The following PDE7B variants were observed in gnomAD, a reference collection of about 807,000 sequenced individuals.
PDE7B encodes 3',5'-cyclic-AMP phosphodiesterase 7B.
Under a neutral mutation model 56.2 loss-of-function variants are expected in PDE7B, and 29 were observed. That is an observed-to-expected ratio of 0.52 (90% CI 0.38 to 0.70). PDE7B has a LOEUF of 0.70. Ranked by LOEUF, PDE7B falls within the 30% of genes least tolerant of loss-of-function variation. PDE7B has a pLI of 0.00. For missense variants in PDE7B, 490 were observed against 565.0 expected (o/e 0.87, Z 1.35); for synonymous variants, 197 against 196.9 (o/e 1.00, Z 0.00).
intron 2 of PDE7B, among the ~76,000 whole-genome samples, chr6:135,978,862 C>G (rs892841090): frequency 1.3e-5 from 2 of 151,840 alleles, no homozygotes; most frequent in African/African-American, 4.9e-5. Context: ...GATTGAATAC[C>G]CTTTATTTCC....
At chr6:136,006,197 G>T (rs1775778907) in intron 2 of PDE7B, among the ~76,000 whole-genome samples, 1 of 116,468 alleles carries the variant, frequency 8.6e-6, no homozygotes, top group Non-Finnish European at 1.7e-5. Flanking sequence ...ACACTCTGGG[G>T]CCTGTTGTGG....
intron 1 of PDE7B, among the ~76,000 whole-genome samples, chr6:135,930,231 A>G (rs1462645656): frequency 6.6e-6 from 1 of 152,152 alleles, no homozygotes; most frequent in African/African-American, 2.4e-5. Flanking sequence ...TTATAAAGCC[A>G]TCAGATCTCA....
intron 1 of PDE7B, among the ~76,000 whole-genome samples, chr6:135,888,758 G>A (rs1384890209): frequency 6.6e-6 from 1 of 151,946 alleles, no homozygotes; most frequent in Non-Finnish European, 1.5e-5. Flanking sequence ...AACAACTAAT[G>A]TCAACAGTAG....
At chr6:136,145,130 T>C (rs999637946) in intron 3 of PDE7B, among the ~76,000 whole-genome samples, 1 of 152,144 alleles carries the variant, frequency 6.6e-6, no homozygotes, top group Non-Finnish European at 1.5e-5. Flanking sequence ...AGCTCTATTA[T>C]TTCTTCTACA....
chr6:135,957,305 TA>T (rs1217115994), intron 2 of PDE7B, among the ~76,000 whole-genome samples: 4 of 151,954 alleles, frequency 2.6e-5, no homozygotes, highest in African/African-American at 9.7e-5. Context: ...ACAAGAAATA[TA>T]AAAAAACTGA....
intron 2 of PDE7B, among the ~76,000 whole-genome samples, chr6:136,007,030 A>G (rs185194525): frequency 6.6e-6 from 1 of 152,262 alleles, no homozygotes; most frequent in East Asian, 1.9e-4. Flanking sequence ...ATTCAGTGTA[A>G]TATTGGCTGA....
intron 2 of PDE7B, among the ~76,000 whole-genome samples, chr6:136,054,296 A>G (rs1776688883): frequency 6.6e-6 from 1 of 152,148 alleles, no homozygotes; most frequent in African/African-American, 2.4e-5. Flanking sequence ...TCCCAGCACC[A>G]TTTATTAAAT....
intron 2 of PDE7B, among the ~76,000 whole-genome samples, chr6:136,010,244 T>A (rs1775868300): frequency 6.6e-6 from 1 of 152,168 alleles, no homozygotes; most frequent in African/African-American, 2.4e-5. Flanking sequence ...TTTATTGTAT[T>A]CTATTCTTAT....
At chr6:136,139,239 A>T (rs1484740872) in intron 3 of PDE7B, among the ~76,000 whole-genome samples, 2 of 152,080 alleles carry the variant, frequency 1.3e-5, no homozygotes, top group East Asian at 1.9e-4. Context: ...TTGTCCTTGC[A>T]ATAGTTTGCT....
At chr6:136,020,048 A>T (rs1010113896) in intron 2 of PDE7B, among the ~76,000 whole-genome samples, 1 of 152,194 alleles carries the variant, frequency 6.6e-6, no homozygotes, top group Admixed American at 6.5e-5. Context: ...CTGTTTTTTC[A>T]CCCAATCAGA....
At chr6:135,978,290 A>G (rs1401161189) in intron 2 of PDE7B, among the ~76,000 whole-genome samples, 1 of 152,176 alleles carries the variant, frequency 6.6e-6, no homozygotes, top group Non-Finnish European at 1.5e-5. Context: ...AACATGATAC[A>G]AAAGATTTTA....
At chr6:136,191,523 C>A in intron 12 of PDE7B, 91 bp from the exon 13 acceptor site, 1 of 1,066,844 alleles carries the variant, frequency 9.4e-7, no homozygotes, top group Non-Finnish European at 1.4e-6. Flanking sequence ...AAAAATTAGC[C>A]GGGCGTGGTG....
chr6:136,167,330 C>T (rs971381685), intron 8 of PDE7B, among the ~76,000 whole-genome samples: 7 of 152,130 alleles, frequency 4.6e-5, no homozygotes, highest in Admixed American at 1.3e-4. Context: ...CCACCCAAAT[C>T]TCATCTTAAA....
At chr6:136,180,832 G>A (rs1436399453) in intron 10 of PDE7B, among the ~76,000 whole-genome samples, 1 of 152,222 alleles carries the variant, frequency 6.6e-6, no homozygotes, top group African/African-American at 2.4e-5. Flanking sequence ...TATGGGGTTT[G>A]TCAGTGTGGC....
chr6:135,923,461 A>G (rs907694349), intron 1 of PDE7B, among the ~76,000 whole-genome samples: 1 of 152,210 alleles, frequency 6.6e-6, no homozygotes, highest in Non-Finnish European at 1.5e-5. Context: ...TATATATGAA[A>G]TGTTTAGTAT....
At chr6:136,098,149 A>AAAAAAAAAAAT (rs1311774244) in intron 2 of PDE7B, 63 of 135,540 alleles carry the variant, frequency 4.6e-4, no homozygotes, top group African/African-American at 1.7e-3. Context: ...GGGGGGGGGA[A>AAAAAAAAAAAT]ATATATGTAT....
intron 2 of PDE7B, among the ~76,000 whole-genome samples, chr6:136,056,046 C>G (rs1776722805): frequency 6.6e-6 from 1 of 152,024 alleles, no homozygotes; most frequent in African/African-American, 2.4e-5. Context: ...AAGACGGGAG[C>G]TAGATAATGC....
chr6:136,164,494 C>A (rs970650513), intron 8 of PDE7B, among the ~76,000 whole-genome samples: 5 of 152,116 alleles, frequency 3.3e-5, no homozygotes, highest in Admixed American at 3.3e-4. Context: ...TGATAACTCC[C>A]CCATCCATCT....
intron 3 of PDE7B, among the ~76,000 whole-genome samples, chr6:136,138,870 G>T (rs374221264): frequency 3.3e-5 from 5 of 152,056 alleles, no homozygotes; most frequent in African/African-American, 1.2e-4. Context: ...ATTTTTAGGG[G>T]GAAAGACATT....
Sources: gnomAD v4.1 joint callset for allele counts (sites outside exome capture counted in the v4.1 genomes callset) on GRCh38, gnomAD v4.1.1 for gene constraint, MANE v1.5 for transcripts, NCBI Gene and HGNC (gene_info 2026-07-23, HGNC 2026-07-21) for gene names.